Variants in PCGF3 observed in about 807,000 individuals in gnomAD.
The protein encoded by PCGF3 is polycomb group RING finger protein 3.
In PCGF3, 7 loss-of-function variants were observed where a neutral mutation model predicts 33.1. The ratio of observed to expected loss-of-function variants is 0.21; its 90% CI spans 0.12 to 0.40. PCGF3 has a LOEUF of 0.40. PCGF3 is among the 10% of genes least tolerant of loss of function. PCGF3 has a pLI of 1.00. For synonymous variants in PCGF3, 153 were observed against 121.3 expected (o/e 1.26, Z -1.72); for missense variants, 211 against 313.3 (o/e 0.67, Z 2.46).
intron 9 of PCGF3, 39 bp downstream of exon 9, chr4:761,455 T>C (rs1745051962): frequency 6.6e-7 from 1 of 1,523,774 alleles, no homozygotes; most frequent in Admixed American, 2.1e-5. Flanking sequence ...TAACAAGTCC[T>C]CTCTTATTTC....
chr4:753,167 G>A (rs1285646276), intron 8 of PCGF3, among the ~76,000 whole-genome samples: 7 of 152,230 alleles, frequency 4.6e-5, no homozygotes, highest in Non-Finnish European at 8.8e-5. Flanking sequence ...TGGCAAGGAA[G>A]TTAGAACAGA....
intron 4 of PCGF3, chr4:734,108 G>A (rs768475375): frequency 6.4e-7 from 1 of 1,550,678 alleles, no homozygotes; most frequent in Admixed American, 2.0e-5. Flanking sequence ...AATCTCCAGA[G>A]GAGTTCCTTA....
chr4:763,117 A>C (rs989709281), intron 9 of PCGF3, among the ~76,000 whole-genome samples: 1 of 152,018 alleles, frequency 6.6e-6, no homozygotes, highest in African/African-American at 2.4e-5. Context: ...CCTGGAGATC[A>C]TGGAGAAACC....
At chr4:735,023 A>G (rs1283672509) in exon 5 of PCGF3, 2 of 1,612,046 alleles carry the variant, frequency 1.2e-6, no homozygotes, top group Non-Finnish European at 8.5e-7. Context: ...CCTGCAGTAC[A>G]TCGGGTGAGT....
intron 1 of PCGF3, among the ~76,000 whole-genome samples, chr4:707,323 C>T (rs1349503579): frequency 6.6e-6 from 1 of 152,162 alleles, no homozygotes; most frequent in Non-Finnish European, 1.5e-5. Context: ...CCAGGAAGGT[C>T]CTGCCTTAAA....
chr4:753,637 C>T lies in PCGF3; in HGVS notation c.463-7642C>T, dbSNP rs534241981. Among the ~76,000 whole-genome samples the T allele has an allele frequency of 1.2e-3, 174 of 148,272 alleles. 1 individual carries two copies. The highest frequency in any genetic ancestry group is 3.5e-3 in the Middle Eastern group (1 of 286). On this transcript the variant is annotated intron_variant, in intron 8 of 10. Coordinates refer to ENST00000362003, the Ensembl canonical transcript of PCGF3. ...CAGCCTGGGCGACAGAGCGAGAGTC[C>T]GGTCTCAAAAAAAAAAAAAAGAAGA...
intron 9 of PCGF3, among the ~76,000 whole-genome samples, chr4:763,666 C>T (rs975323409): frequency 2.0e-5 from 3 of 152,158 alleles, no homozygotes; most frequent in Non-Finnish European, 4.4e-5. Flanking sequence ...CTGCTGACAA[C>T]ACGAAACACA....
chr4:735,609 C>G (rs1000224039), intron 5 of PCGF3, among the ~76,000 whole-genome samples: 1 of 152,216 alleles, frequency 6.6e-6, no homozygotes, highest in African/African-American at 2.4e-5. Context: ...CAAGTTGAAT[C>G]TCATGAGTTT....
rs1010385186 is a variant in PCGF3 at position 737,388 on chromosome 4, A to T, written c.207-78A>T. 8 of 942,724 alleles carry T rather than the reference A, an allele frequency of 8.5e-6. No homozygotes were observed. The African/African-American group carries it at 9.7e-5, about 11-fold the overall frequency. 58.4% of individuals were successfully genotyped at this position (942,724 alleles called of 1,614,324 possible). On this transcript the variant is annotated intron_variant, in intron 5 of 10. Coordinates refer to ENST00000362003, the Ensembl canonical transcript of PCGF3. ...TCCAGACTGGTGATTCTGAACTTTGATATTGTTAAATGGAAAGTGTACAAG... is the reference window on the plus strand; with the variant it reads ...TCCAGACTGGTGATTCTGAACTTTGTTATTGTTAAATGGAAAGTGTACAAG...
chr4:769,200 G>C (rs953991378), exon 11 of PCGF3: 1 of 152,720 alleles, frequency 6.5e-6, no homozygotes, highest in Non-Finnish European at 1.5e-5. Flanking sequence ...CAGACCACAA[G>C]AGCGGAGCTG....
intron 1 of PCGF3, among the ~76,000 whole-genome samples, chr4:707,501 G>GC (rs773042536): frequency 0.052 from 6,389 of 122,334 alleles, 294 homozygotes; most frequent in Middle Eastern, 0.095. Flanking sequence ...CCCTGGGACA[G>GC]CCTGTTTTCA....
intron 1 of PCGF3, among the ~76,000 whole-genome samples, chr4:711,564 TCTC>T (rs1167425451): frequency 6.8e-6 from 1 of 146,166 alleles, no homozygotes; most frequent in Non-Finnish European, 1.5e-5. Context: ...TTCACGCCAT[TCTC>T]CTGCCTCAGC....
chr4:723,345 G>A (rs1464992416), intron 1 of PCGF3, among the ~76,000 whole-genome samples: 1 of 152,228 alleles, frequency 6.6e-6, no homozygotes, highest in East Asian at 1.9e-4. Flanking sequence ...CACCTGGAGG[G>A]GCTGGCCCTG....
intron 6 of PCGF3, 62 bp downstream of exon 6, chr4:737,583 C>T: frequency 9.4e-7 from 1 of 1,060,028 alleles, no homozygotes; most frequent in Non-Finnish European, 1.5e-6. Flanking sequence ...AGCCCCTGCT[C>T]TCCTGGAAGT....
At chr4:722,398 C>T (rs554951905) in intron 1 of PCGF3, 51 of 197,964 alleles carry the variant, frequency 2.6e-4, no homozygotes, top group Middle Eastern at 2.0e-3. Flanking sequence ...CCCCAGGCAG[C>T]GGCGTGGCTG....
At chr4:739,431 GTCC>G (rs1560207839) in intron 6 of PCGF3, among the ~76,000 whole-genome samples, 2 of 152,170 alleles carry the variant, frequency 1.3e-5, no homozygotes, top group African/African-American at 4.8e-5. Flanking sequence ...GGCTCAAGCA[GTCC>G]TCCTGCCTTG....
chr4:768,954 G>A (rs1424434730), exon 11 of PCGF3: 1 of 152,590 alleles, frequency 6.6e-6, no homozygotes, highest in East Asian at 1.9e-4. Context: ...CATTTATTTT[G>A]CTAAATTGAA....
chr4:765,169 C>T (rs1745291913), intron 10 of PCGF3, 105 bp downstream of exon 10: 5 of 772,694 alleles, frequency 6.5e-6, no homozygotes, highest in African/African-American at 5.1e-5. Context: ...TGCAGTGGCT[C>T]ATGCCTGTAA....
At chr4:758,025 G>C (rs750844674) in intron 8 of PCGF3, among the ~76,000 whole-genome samples, 2 of 151,900 alleles carry the variant, frequency 1.3e-5, no homozygotes, top group African/African-American at 2.4e-5. Flanking sequence ...AAAATTAGCC[G>C]GGCATGATGG....
Sources: gnomAD v4.1 joint callset for allele counts (sites outside exome capture counted in the v4.1 genomes callset) on GRCh38, gnomAD v4.1.1 for gene constraint, MANE v1.5 for transcripts, NCBI Gene and HGNC (gene_info 2026-07-23, HGNC 2026-07-21) for gene names.